The following GALNTL6 variants were observed in gnomAD, a reference collection of about 807,000 sequenced individuals.
GALNTL6 encodes the protein polypeptide N-acetylgalactosaminyltransferase like 6.
Under a neutral mutation model 73.7 loss-of-function variants are expected in GALNTL6, and 46 were observed. That is an observed-to-expected ratio of 0.62 (90% CI 0.49 to 0.80). The LOEUF (loss-of-function observed/expected upper bound fraction) is 0.80, where lower values mean the gene tolerates loss of function less well. Among genes scored for constraint, GALNTL6 ranks in the 30% least tolerant of loss-of-function variants. The pLI is 0.00. For synonymous variants in GALNTL6, 259 were observed against 263.7 expected (o/e 0.98, Z 0.17); for missense variants, 604 against 755.0 (o/e 0.80, Z 2.34).
intron 4 of GALNTL6, among the ~76,000 whole-genome samples, chr4:172,316,083 A>G (rs780052976): frequency 4.6e-5 from 7 of 152,324 alleles, no homozygotes; most frequent in Non-Finnish European, 7.4e-5. Flanking sequence ...TTCCCTGCAT[A>G]TGGAAGAATT....
chr4:172,692,706 T>C (rs1020430544), intron 5 of GALNTL6, among the ~76,000 whole-genome samples: 11 of 152,164 alleles, frequency 7.2e-5, no homozygotes, highest in Admixed American at 6.6e-5. Context: ...TACTAATAAG[T>C]TGTATAAAAA....
chr4:172,029,392 C>T (rs1741694668), intron 2 of GALNTL6, among the ~76,000 whole-genome samples: 1 of 151,720 alleles, frequency 6.6e-6, no homozygotes, highest in African/African-American at 2.4e-5. Context: ...TTGATTTAAC[C>T]TCAAATGGCT....
chr4:172,907,047 G>A (rs544044091), intron 8 of GALNTL6, among the ~76,000 whole-genome samples: 29 of 151,694 alleles, frequency 1.9e-4, no homozygotes, highest in Non-Finnish European at 2.8e-4. Context: ...ATAGTCCAGC[G>A]GGAATTTTGG....
chr4:172,598,669 G>T (rs1172067850), intron 5 of GALNTL6, among the ~76,000 whole-genome samples: 1 of 150,998 alleles, frequency 6.6e-6, no homozygotes, highest in East Asian at 1.9e-4. Flanking sequence ...ATGCAATTTT[G>T]GTACCTATCA....
At chr4:172,356,792 A>G (rs186005857) in intron 5 of GALNTL6, among the ~76,000 whole-genome samples, 1 of 152,202 alleles carries the variant, frequency 6.6e-6, no homozygotes, top group African/African-American at 2.4e-5. Flanking sequence ...CAGTGGGTCA[A>G]TTTTATATGC....
intron 3 of GALNTL6, among the ~76,000 whole-genome samples, chr4:172,247,253 C>G (rs1579296751): frequency 6.6e-6 from 1 of 152,178 alleles, no homozygotes; most frequent in African/African-American, 2.4e-5. Context: ...TTCAGCATCT[C>G]TCTACCACAA....
intron 2 of GALNTL6, among the ~76,000 whole-genome samples, chr4:172,111,140 C>T (rs1732840571): frequency 6.6e-6 from 1 of 151,334 alleles, no homozygotes; most frequent in Admixed American, 6.6e-5. Flanking sequence ...AAGAAAATTT[C>T]CAAGTAAAAT....
chr4:171,887,243 C>T (rs6553597), intron 2 of GALNTL6, among the ~76,000 whole-genome samples: 1 of 151,838 alleles, frequency 6.6e-6, no homozygotes, highest in Admixed American at 6.6e-5. Context: ...CACCTCCCAA[C>T]ATTTGCGTTG....
chr4:172,427,827 T>C (rs56074264), intron 5 of GALNTL6, among the ~76,000 whole-genome samples: 63,104 of 152,042 alleles, frequency 0.42, 15,826 homozygotes, highest in South Asian at 0.65. Flanking sequence ...AAAACAAAGA[T>C]ACCATCTTAA....
Position 172,606,491 on chromosome 4 carries a change from G to A in GALNTL6, c.554-202870G>A, listed in dbSNP as rs1377159257. 2.0e-4 allele frequency among the ~76,000 whole-genome samples: 29 copies of A among 144,484 alleles called. 1 individual carries two copies. The highest frequency in any genetic ancestry group is 1.7e-3 in the Admixed American group (25 of 14,300). The allele number at this position is 144,484 out of a possible 152,430, so 94.8% of individuals were successfully genotyped here. On this transcript the variant is annotated intron_variant, in intron 5 of 12. Coordinates refer to ENST00000506823, the MANE Select transcript of GALNTL6 (RefSeq NM_001034845.3). ...AAAACAAAGAAAACAAAAAAAAATA[G>A]CTAATAAGAGTACAGAAGGTAAAAT...
At chr4:172,894,224 T>C (rs764996159) in intron 8 of GALNTL6, among the ~76,000 whole-genome samples, 2 of 152,222 alleles carry the variant, frequency 1.3e-5, no homozygotes, top group Non-Finnish European at 2.9e-5. Flanking sequence ...ATTATTTCTT[T>C]TATTTTGCTA....
intron 2 of GALNTL6, among the ~76,000 whole-genome samples, chr4:172,065,632 T>A (rs1731335238): frequency 6.6e-6 from 1 of 152,174 alleles, no homozygotes; most frequent in South Asian, 2.1e-4. Context: ...TACAGAGATT[T>A]CCCACATGCC....
chr4:172,992,977 G>T (rs73870332), intron 10 of GALNTL6, among the ~76,000 whole-genome samples: 6,230 of 152,180 alleles, frequency 0.041, 286 homozygotes, highest in African/African-American at 0.11. Flanking sequence ...CAGCTTGGAG[G>T]TTAGAAGTGA....
intron 3 of GALNTL6, among the ~76,000 whole-genome samples, chr4:172,264,678 A>G (rs1738392545): frequency 6.8e-6 from 1 of 147,654 alleles, no homozygotes; most frequent in Non-Finnish European, 1.5e-5. Flanking sequence ...ATGTGTATAT[A>G]TATATATAAT....
At chr4:172,631,424 C>A (rs190754957) in intron 5 of GALNTL6, among the ~76,000 whole-genome samples, 1 of 152,094 alleles carries the variant, frequency 6.6e-6, no homozygotes, top group Non-Finnish European at 1.5e-5. Flanking sequence ...GGATTACAGG[C>A]GTGAGCCACT....
At chr4:172,092,180 G>A (rs72698998) in intron 2 of GALNTL6, among the ~76,000 whole-genome samples, 2,054 of 152,090 alleles carry the variant, frequency 0.014, 25 homozygotes, top group Middle Eastern at 0.054. Context: ...TTATGGACAA[G>A]ACCTAAAATG....
intron 2 of GALNTL6, among the ~76,000 whole-genome samples, chr4:171,926,375 T>C (rs1040059193): frequency 5.3e-5 from 8 of 152,160 alleles, no homozygotes; most frequent in Non-Finnish European, 1.0e-4. Context: ...AAGGCTATTG[T>C]ATGTCCTCTC....
At chr4:172,450,048 T>C (rs746261464) in intron 5 of GALNTL6, among the ~76,000 whole-genome samples, 2 of 151,796 alleles carry the variant, frequency 1.3e-5, no homozygotes, top group Non-Finnish European at 2.9e-5. Context: ...AGAAACCCTG[T>C]CTCTACTGAA....
chr4:172,745,435 A>ATG (rs1231430439), intron 5 of GALNTL6, among the ~76,000 whole-genome samples: 2 of 134,820 alleles, frequency 1.5e-5, no homozygotes, highest in African/African-American at 6.2e-5. Flanking sequence ...CAAAACATAT[A>ATG]TATATATATG....
Sources: allele counts gnomAD v4.1 joint callset (sites outside exome capture counted in the v4.1 genomes callset), GRCh38; gene constraint gnomAD v4.1.1; transcripts MANE v1.5; gene names NCBI Gene and HGNC (gene_info 2026-07-23, HGNC 2026-07-21).